The following HS2ST1 variants were observed in gnomAD, a reference collection of about 807,000 sequenced individuals.
HS2ST1 encodes heparan sulfate 2-O-sulfotransferase 1.
HS2ST1 carries 18 observed loss-of-function variants against 42.9 expected under a neutral mutation model. That is an observed-to-expected ratio of 0.42 (90% CI 0.29 to 0.62). The LOEUF is 0.62. Among genes scored for constraint, HS2ST1 ranks in the 20% least tolerant of loss-of-function variants. HS2ST1 has a pLI of 0.21. For missense variants in HS2ST1, 334 were observed against 433.8 expected (o/e 0.77, Z 2.04); for synonymous variants, 146 against 152.9 (o/e 0.95, Z 0.33).
intron 6 of HS2ST1, 77 bp downstream of exon 6, chr1:87,103,666 T>G: frequency 8.0e-7 from 1 of 1,253,860 alleles, no homozygotes; most frequent in Non-Finnish European, 1.1e-6. Context: ...ATATGTGATT[T>G]GAAGTTTCTT....
intron 1 of HS2ST1, among the ~76,000 whole-genome samples, chr1:87,051,333 A>G (rs888446021): frequency 3.3e-5 from 5 of 152,152 alleles, no homozygotes; most frequent in African/African-American, 1.2e-4. Flanking sequence ...AGTAACTCAC[A>G]ATAGAACAAA....
At chr1:86,982,465 A>G (rs1422486816) in intron 1 of HS2ST1, among the ~76,000 whole-genome samples, 1 of 152,056 alleles carries the variant, frequency 6.6e-6, no homozygotes, top group Non-Finnish European at 1.5e-5. Context: ...TGCAATTTCA[A>G]TTTCTTTGTG....
intron 3 of HS2ST1, among the ~76,000 whole-genome samples, chr1:87,091,235 A>G (rs1219336723): frequency 6.6e-6 from 1 of 152,030 alleles, no homozygotes; most frequent in Non-Finnish European, 1.5e-5. Flanking sequence ...AAAAAGAAAA[A>G]TGAGAGCGGC....
chr1:87,052,047 G>A (rs1369143093), intron 1 of HS2ST1, among the ~76,000 whole-genome samples: 4 of 152,162 alleles, frequency 2.6e-5, no homozygotes, highest in Non-Finnish European at 4.4e-5. Context: ...GAGCCTAGGA[G>A]TTTGAGACCA....
Position 86,914,799 on chromosome 1 carries a change from T to G in HS2ST1, c.-238T>G. On this transcript the variant is annotated 5_prime_UTR_variant, in exon 1 of 7. Coordinates refer to ENST00000370550, the MANE Select transcript of HS2ST1 (RefSeq NM_012262.4). ...CTTCGCGCTGTTTGCTGCGCGGGCTTTTGGAGGGGGCGGCCGTTTAGTCGG... is the reference window on the plus strand; with the variant it reads ...CTTCGCGCTGTTTGCTGCGCGGGCTGTTGGAGGGGGCGGCCGTTTAGTCGG... The G allele has an allele frequency of 1.3e-5, 7 of 534,094 alleles. No individual in the cohort carries two copies. Among genetic ancestry groups the G allele is most frequent in the East Asian group, 3.5e-5 (1 of 28,692 alleles). 33.1% of individuals were successfully genotyped at this position (534,094 alleles called of 1,614,324 possible). A position where few individuals can be genotyped will look rare whatever the true frequency, so the allele number is the denominator to read the frequency against.
In HS2ST1 at chr1:87,109,611, A is replaced by G. The variant is rs187593955; in HGVS notation, c.*4915A>G. 10 of 152,070 alleles carry G rather than the reference A, an allele frequency of 6.6e-5. No homozygotes were observed. In the East Asian group the frequency reaches 1.4e-3, roughly 21 times the overall value. The allele number at this position is 152,070 out of a possible 1,614,324, so 9.4% of individuals were successfully genotyped here. On this transcript the variant is annotated 3_prime_UTR_variant, in exon 7 of 7. Coordinates refer to ENST00000370550, the MANE Select transcript of HS2ST1 (RefSeq NM_012262.4). ...AAAGTCTCAATTCCATTGATTTTCA[A>G]TTCTTAGCCACTGGCTCATTGCTTT...
chr1:87,038,613 A>G (rs1650442799), intron 1 of HS2ST1, among the ~76,000 whole-genome samples: 2 of 152,188 alleles, frequency 1.3e-5, no homozygotes, highest in Non-Finnish European at 2.9e-5. Context: ...GGAACAAGGA[A>G]GGTATTTATG....
chr1:86,952,894 A>G (rs1447131080), intron 1 of HS2ST1, among the ~76,000 whole-genome samples: 1 of 152,232 alleles, frequency 6.6e-6, no homozygotes, highest in African/African-American at 2.4e-5. Flanking sequence ...ACTTAAAGTC[A>G]CTAGCTTTCT....
At chr1:87,049,650 C>G (rs189547195) in intron 1 of HS2ST1, among the ~76,000 whole-genome samples, 1 of 152,054 alleles carries the variant, frequency 6.6e-6, no homozygotes, top group African/African-American at 2.4e-5. Context: ...TGAGTACTTT[C>G]AAATATTTTG....
At chr1:87,072,313 C>T (rs964958572) in intron 1 of HS2ST1, among the ~76,000 whole-genome samples, 30 of 152,274 alleles carry the variant, frequency 2.0e-4, no homozygotes, top group African/African-American at 7.0e-4. Context: ...ACTTTATAAT[C>T]ACTGTCCTGT....
intron 2 of HS2ST1, among the ~76,000 whole-genome samples, chr1:87,080,376 A>G (rs1306091741): frequency 6.6e-6 from 1 of 152,224 alleles, no homozygotes; most frequent in Non-Finnish European, 1.5e-5. Flanking sequence ...TTATATCAAC[A>G]GAGCTTTGAG....
intron 1 of HS2ST1, among the ~76,000 whole-genome samples, chr1:86,990,753 C>T (rs1407139242): frequency 7.0e-6 from 1 of 142,768 alleles, no homozygotes; most frequent in African/African-American, 2.6e-5. Context: ...AAGCGATTCT[C>T]CTGCCTCACC....
chr1:86,922,682 G>A (rs1335945237), intron 1 of HS2ST1, among the ~76,000 whole-genome samples: 2 of 152,082 alleles, frequency 1.3e-5, no homozygotes, highest in East Asian at 3.8e-4. Flanking sequence ...CATTGTTTCT[G>A]ATGAGAAGGT....
rs1390212822 is a variant in HS2ST1 at position 87,104,819 on chromosome 1, A to G, written c.*123A>G. 1.6e-6 allele frequency: 1 copy of G among 616,924 alleles called. No homozygotes were observed. Among genetic ancestry groups the G allele is most frequent in the Non-Finnish European group, 2.9e-6 (1 of 349,214 alleles). The allele number at this position is 616,924 out of a possible 1,614,324, so 38.2% of individuals were successfully genotyped here. On this transcript the variant is annotated 3_prime_UTR_variant, in exon 7 of 7. Coordinates refer to ENST00000370550, the MANE Select transcript of HS2ST1 (RefSeq NM_012262.4). ...ATGACAATTTGTATTGAGCCAAATT[A>G]GGAAACAGACAGTAACGTCAAGGAA...
chr1:86,975,500 G>A (rs1258810209), intron 1 of HS2ST1, among the ~76,000 whole-genome samples: 1 of 152,122 alleles, frequency 6.6e-6, no homozygotes, highest in Admixed American at 6.6e-5. Context: ...ACTAATATAT[G>A]TAAATAGAAA....
At chr1:86,971,614 A>G (rs1445151529) in intron 1 of HS2ST1, among the ~76,000 whole-genome samples, 1 of 152,212 alleles carries the variant, frequency 6.6e-6, no homozygotes, top group African/African-American at 2.4e-5. Flanking sequence ...AGAGTAGGGA[A>G]ATGAGCATTT....
intron 1 of HS2ST1, among the ~76,000 whole-genome samples, chr1:87,040,092 T>C (rs1345321574): frequency 6.6e-6 from 1 of 152,174 alleles, no homozygotes; most frequent in Non-Finnish European, 1.5e-5. Context: ...GCAGATTTCT[T>C]TGGAATGAAA....
At chr1:86,974,788 A>G (rs577415662) in intron 1 of HS2ST1, among the ~76,000 whole-genome samples, 1 of 152,284 alleles carries the variant, frequency 6.6e-6, no homozygotes, top group Admixed American at 6.5e-5. Context: ...TAGGAGAAAA[A>G]CAATGTTTTC....
intron 1 of HS2ST1, among the ~76,000 whole-genome samples, chr1:86,995,162 A>G (rs1336489073): frequency 6.6e-6 from 1 of 152,128 alleles, no homozygotes; most frequent in Non-Finnish European, 1.5e-5. Flanking sequence ...TTGTTTCTCA[A>G]TTAGGAAATG....
Sources: allele counts gnomAD v4.1 joint callset (sites outside exome capture counted in the v4.1 genomes callset), GRCh38; gene constraint gnomAD v4.1.1; transcripts MANE v1.5; gene names NCBI Gene and HGNC (gene_info 2026-07-23, HGNC 2026-07-21).